Variants in ARGFX observed in about 807,000 individuals in gnomAD.
ARGFX encodes arginine-fifty homeobox.
ARGFX carries 10 observed loss-of-function variants against 8.0 expected under a neutral mutation model. The ratio of observed to expected loss-of-function variants is 1.25; its 90% CI spans 0.77 to 2.12. The LOEUF (loss-of-function observed/expected upper bound fraction) is 2.12. Ranked by LOEUF, ARGFX falls within the 30% of genes most tolerant of loss-of-function variation. The pLI, the probability that ARGFX is intolerant of heterozygous loss-of-function variation, is 0.00. For synonymous variants in ARGFX, 116 were observed against 117.8 expected (o/e 0.98, Z 0.10); for missense variants, 282 against 324.3 (o/e 0.87, Z 1.00).
chr3:121,575,463 T>A (rs1306125910), intron 2 of ARGFX, among the ~76,000 whole-genome samples: 2 of 152,170 alleles, frequency 1.3e-5, no homozygotes, highest in Non-Finnish European at 2.9e-5. Context: ...CTCTTTTCGC[T>A]ATAGTCTCTC....
At position 121,586,485 on chromosome 3, in the gene ARGFX, T is replaced by C. The variant is rs769724857; in HGVS notation, c.833T>C (p.Leu278Pro). ...LSIFAGPAVG[L>P]SPAQTWPNMT... Reference sequence around the variant, plus strand: ...ATCTTTGCTGGTCCAGCTGTAGGCCTATCTCCTGCACAAACCTGGCCCAAT... The same window carrying C: ...ATCTTTGCTGGTCCAGCTGTAGGCCCATCTCCTGCACAAACCTGGCCCAAT... The change falls in exon 5 of 5, where the codon CTA becomes CCA. Residue 278 changes from leucine (L) to proline (P), a missense_variant. By Grantham distance (98) the Leu-to-Pro change is moderately conservative. Coordinates refer to ENST00000334384, the MANE Select transcript of ARGFX (RefSeq NM_001012659.2). 6.2e-7 allele frequency: 1 copy of C among 1,614,230 alleles called. No individual in the cohort carries two copies.
Position 121,577,883 on chromosome 3 carries a change from T to C in ARGFX, c.220+983T>C, listed in dbSNP as rs182389201. On this transcript the variant is annotated intron_variant, in intron 3 of 4. Coordinates refer to ENST00000334384, the MANE Select transcript of ARGFX (RefSeq NM_001012659.2). ...CACTGCAACTTCTGCCTCCTGGGGT[T>C]CAAGCGATTCTCCTACCTCAGCCTT... Among the ~76,000 whole-genome samples the C allele has an allele frequency of 3.2e-3, 489 of 151,984 alleles. 3 individuals are homozygous for C. Among genetic ancestry groups the C allele is most frequent in the African/African-American group, 0.011 (469 of 41,432 alleles).
intron 2 of ARGFX, among the ~76,000 whole-genome samples, chr3:121,575,056 A>G (rs2048728303): frequency 6.6e-6 from 1 of 152,178 alleles, no homozygotes; most frequent in African/African-American, 2.4e-5. Flanking sequence ...GCAGTAGCTC[A>G]CGCCTGTAAT....
intron 4 of ARGFX, among the ~76,000 whole-genome samples, chr3:121,585,292 T>C (rs1181343322): frequency 6.6e-6 from 1 of 152,212 alleles, no homozygotes; most frequent in Non-Finnish European, 1.5e-5. Context: ...GCCACAGAGA[T>C]AAGAAATAGT....
Position 121,574,821 on chromosome 3 carries a change from T to C in ARGFX, c.104-1963T>C, listed in dbSNP as rs1174580386. Among the ~76,000 whole-genome samples, 8 of 152,136 alleles carry C rather than the reference T, an allele frequency of 5.3e-5. No individual in the cohort carries two copies. In the East Asian group the frequency reaches 1.5e-3, roughly 29 times the overall value. On this transcript the variant is annotated intron_variant, in intron 2 of 4. Coordinates refer to ENST00000334384, the MANE Select transcript of ARGFX (RefSeq NM_001012659.2). ...TTGTTATTTCTTACATCTCACACAGTACATGGCTAAGAATTTTGCAGAAAA... is the reference window on the plus strand; with the variant it reads ...TTGTTATTTCTTACATCTCACACAGCACATGGCTAAGAATTTTGCAGAAAA...
intron 3 of ARGFX, among the ~76,000 whole-genome samples, chr3:121,577,241 A>ATC (rs2048745007): frequency 3.1e-5 from 2 of 65,304 alleles, no homozygotes; most frequent in African/African-American, 6.4e-5. Flanking sequence ...ATATATATAT[A>ATC]TATATATATA....
Position 121,589,777 on chromosome 3 carries a change from T to C in ARGFX, c.*3177T>C, listed in dbSNP as rs1157065157. ...GAACTTAAATATACTTAACAACATA[T>C]ACCAAAAATATATGAGGCAAATTTT... On this transcript the variant is annotated 3_prime_UTR_variant, in exon 5 of 5. Transcript: ENST00000334384. 3.3e-5 allele frequency among the ~76,000 whole-genome samples: 5 copies of C among 152,114 alleles called. No individual in the cohort carries two copies. Among genetic ancestry groups the C allele is most frequent in the South Asian group, 2.1e-4 (1 of 4,828 alleles).
intron 4 of ARGFX, 101 bp from the exon 5 acceptor site, chr3:121,585,921 G>T: frequency 8.9e-7 from 1 of 1,126,140 alleles, no homozygotes; most frequent in Non-Finnish European, 1.3e-6. Flanking sequence ...GTGAATTAGA[G>T]AGGACATGAA....
In ARGFX at chr3:121,586,629, A is replaced by C; in HGVS notation, c.*29A>C. 1.9e-6 allele frequency: 3 copies of C among 1,550,002 alleles called. No homozygotes were observed. Among genetic ancestry groups the C allele is most frequent in the Non-Finnish European group, 2.6e-6 (3 of 1,142,786 alleles). ...GAGTACTAATAAATATAGATCATTT[A>C]GAAAAGTGGTCTTCTTGCCTCTTGT... On this transcript the variant is annotated 3_prime_UTR_variant, in exon 5 of 5. Transcript: ENST00000334384.
chr3:121,584,823 C>A, intron 3 of ARGFX, 94 bp from the exon 4 acceptor site: 1 of 1,412,730 alleles, frequency 7.1e-7, no homozygotes, highest in Non-Finnish European at 9.7e-7. Context: ...AGAGATTCAC[C>A]ATGGTGATTT....
intron 3 of ARGFX, among the ~76,000 whole-genome samples, chr3:121,583,025 A>ATTTTTT (rs35823830): frequency 1.8e-5 from 2 of 108,358 alleles, no homozygotes; most frequent in Non-Finnish European, 1.8e-5. Flanking sequence ...TAATTGCGGG[A>ATTTTTT]TTTTTTTTTT....
intron 2 of ARGFX, 37 bp from the exon 3 acceptor site, chr3:121,576,735 CTTTCTTTCTTTT>C: frequency 1.2e-5 from 4 of 322,508 alleles, no homozygotes; most frequent in Non-Finnish European, 2.4e-5. Context: ...TTCTTTCTTT[CTTTCTTTCTTTT>C]TCTCTTTCTT....
intron 2 of ARGFX, among the ~76,000 whole-genome samples, chr3:121,572,003 G>C (rs1489685636): frequency 1.3e-5 from 2 of 150,974 alleles, no homozygotes; most frequent in Non-Finnish European, 2.9e-5. Context: ...TAATTTTTTT[G>C]TATTTTTAGT....
At chr3:121,576,727 CTTTCTTTCTTTCT>C in intron 2 of ARGFX, 44 bp from the exon 3 acceptor site, 1 of 315,326 alleles carries the variant, frequency 3.2e-6, no homozygotes, top group South Asian at 2.4e-5. Context: ...TTCTTTCTTT[CTTTCTTTCTTTCT>C]TTCTTTTTCT....
chr3:121,585,700 C>T (rs1432678146), intron 4 of ARGFX, among the ~76,000 whole-genome samples: 4 of 151,954 alleles, frequency 2.6e-5, no homozygotes, highest in Non-Finnish European at 5.9e-5. Context: ...CTTAAAAATC[C>T]TTCAGTTCAA....
intron 2 of ARGFX, 95 bp from the exon 3 acceptor site, chr3:121,576,689 T>TTC: frequency 3.2e-6 from 1 of 309,252 alleles, no homozygotes. Context: ...TTCTTTTTCT[T>TTC]TCTTTCTCTT....
chr3:121,575,461 G>A (rs1269894239), intron 2 of ARGFX, among the ~76,000 whole-genome samples: 1 of 152,068 alleles, frequency 6.6e-6, no homozygotes, highest in Non-Finnish European at 1.5e-5. Context: ...AGCTCTTTTC[G>A]CTATAGTCTC....
intron 3 of ARGFX, among the ~76,000 whole-genome samples, chr3:121,579,940 C>CTTTTTTTTTTTTTTTTTTTT (rs1204013765): frequency 6.9e-5 from 3 of 43,258 alleles, no homozygotes; most frequent in African/African-American, 2.6e-4. Context: ...CTTTTCTTTT[C>CTTTTTTTTTTTTTTTTTTTT]TTTTCTTTTT....
chr3:121,585,092 A>G, intron 4 of ARGFX, 27 bp downstream of exon 4: 1 of 1,588,536 alleles, frequency 6.3e-7, no homozygotes, highest in Non-Finnish European at 8.5e-7. Context: ...TGTGCTTGGT[A>G]CCCCCATCCA....
Sources: gnomAD v4.1 joint callset for allele counts (sites outside exome capture counted in the v4.1 genomes callset) on GRCh38, gnomAD v4.1.1 for gene constraint, MANE v1.5 for transcripts, NCBI Gene and HGNC (gene_info 2026-07-23, HGNC 2026-07-21) for gene names.